The following SYT1 variants were observed in gnomAD, a reference collection of about 807,000 sequenced individuals.
SYT1 encodes the protein synaptotagmin 1, also known as synaptotagmin-1.
In SYT1, 8 loss-of-function variants were observed where a neutral mutation model predicts 44.8. The observed-to-expected ratio is 0.18, with a 90% CI of 0.10 to 0.32. SYT1 has a LOEUF of 0.32. SYT1 is among the 10% of genes least tolerant of loss of function. The probability of loss-of-function intolerance (pLI) is 1.00; values close to 1 mark genes in which losing one functional copy is unlikely to be tolerated. For synonymous variants in SYT1, 154 were observed against 188.8 expected (o/e 0.82, Z 1.51); for missense variants, 286 against 509.3 (o/e 0.56, Z 4.22).
At chr12:79,434,900 T>A (rs1869999682) in intron 9 of SYT1, among the ~76,000 whole-genome samples, 2 of 152,000 alleles carry the variant, frequency 1.3e-5, no homozygotes, top group African/African-American at 2.4e-5. Context: ...TACTCTAGCC[T>A]TGTGCTTAGA....
At chr12:79,221,711 AT>A (rs1220650255) in intron 4 of SYT1, among the ~76,000 whole-genome samples, 4 of 152,244 alleles carry the variant, frequency 2.6e-5, no homozygotes, top group South Asian at 2.1e-4. Flanking sequence ...CACATTTTGA[AT>A]TTTTTATGTC....
chr12:79,012,429 T>C (rs1648263771), intron 2 of SYT1, among the ~76,000 whole-genome samples: 1 of 152,154 alleles, frequency 6.6e-6, no homozygotes, highest in South Asian at 2.1e-4. Flanking sequence ...TGACCATACA[T>C]AGCACAAACC....
At chr12:79,120,830 C>T (rs1443087410) in intron 3 of SYT1, among the ~76,000 whole-genome samples, 1 of 151,990 alleles carries the variant, frequency 6.6e-6, no homozygotes, top group East Asian at 1.9e-4. Context: ...ATGCATGTAG[C>T]AGTTCAGTGA....
At chr12:79,374,303 TA>T (rs1883906720) in intron 9 of SYT1, among the ~76,000 whole-genome samples, 1 of 152,118 alleles carries the variant, frequency 6.6e-6, no homozygotes, top group Admixed American at 6.5e-5. Flanking sequence ...TCAGAGAAAC[TA>T]AAGGTTTCAA....
At chr12:79,311,898 T>G (rs1880820296) in intron 8 of SYT1, among the ~76,000 whole-genome samples, 1 of 139,496 alleles carries the variant, frequency 7.2e-6, no homozygotes, top group Admixed American at 7.1e-5. Context: ...GGGATAGCAT[T>G]AGGAGATATA....
chr12:79,062,288 G>T (rs139359239), intron 3 of SYT1, among the ~76,000 whole-genome samples: 10 of 152,296 alleles, frequency 6.6e-5, no homozygotes, highest in Admixed American at 2.0e-4. Flanking sequence ...ACAATTCTGA[G>T]AGTGTCCTAT....
rs1871029174 is a variant in SYT1, at chr12:79,451,072, A to G, written c.*1948A>G. 6.6e-6 allele frequency: 1 copy of G among 152,222 alleles called. No individual in the cohort carries two copies. Among genetic ancestry groups the G allele is most frequent in the Admixed American group, 6.5e-5 (1 of 15,272 alleles). The allele number at this position is 152,222 out of a possible 1,614,324, so 9.4% of individuals were successfully genotyped here. On this transcript the variant is annotated 3_prime_UTR_variant, in exon 11 of 11. Coordinates refer to ENST00000261205, the MANE Select transcript of SYT1 (RefSeq NM_005639.3). ...TCTTTTCAAAAACTAAAGAGAATTC[A>G]AAAAGGGCTGATGGTAGGCTTTGAA...
intron 9 of SYT1, among the ~76,000 whole-genome samples, chr12:79,383,746 T>TA (rs1241780480): frequency 1.3e-5 from 2 of 152,144 alleles, no homozygotes; most frequent in South Asian, 4.1e-4. Flanking sequence ...CACATGAAAA[T>TA]AAAAAACTAC....
chr12:79,083,144 A>G (rs1430285632), intron 3 of SYT1, among the ~76,000 whole-genome samples: 1 of 152,176 alleles, frequency 6.6e-6, no homozygotes, highest in Admixed American at 6.6e-5. Context: ...TTCATTGAGG[A>G]AAAAATTATA....
chr12:79,123,309 ATGTGTG>A (rs66869713), intron 3 of SYT1, among the ~76,000 whole-genome samples: 335 of 141,608 alleles, frequency 2.4e-3, no homozygotes, highest in South Asian at 5.3e-3. Flanking sequence ...TAAAAATGCA[ATGTGTG>A]TGTGTGTGTG....
intron 1 of SYT1, among the ~76,000 whole-genome samples, chr12:78,931,388 GGAAGGA>G (rs1349584400): frequency 2.5e-4 from 30 of 117,654 alleles, no homozygotes; most frequent in African/African-American, 9.7e-4. Flanking sequence ...AAGGAAGGAA[GGAAGGA>G]AGGGAGGAGA....
At chr12:78,986,390 T>C (rs1487798357) in intron 2 of SYT1, among the ~76,000 whole-genome samples, 1 of 151,996 alleles carries the variant, frequency 6.6e-6, no homozygotes, top group African/African-American at 2.4e-5. Context: ...TCAGTAGTTT[T>C]TTTTGATGAA....
chr12:79,038,029 C>G (rs961297491), intron 2 of SYT1, among the ~76,000 whole-genome samples: 1 of 151,234 alleles, frequency 6.6e-6, no homozygotes, highest in Non-Finnish European at 1.5e-5. Flanking sequence ...GTTTATTGCT[C>G]TATAATTTTA....
At chr12:78,998,805 T>C (rs1261679568) in intron 2 of SYT1, among the ~76,000 whole-genome samples, 1 of 152,178 alleles carries the variant, frequency 6.6e-6, no homozygotes, top group Non-Finnish European at 1.5e-5. Context: ...CTTTTGGACA[T>C]AAAGCACTTA....
rs571945517 is a variant in SYT1 at position 79,075,001 on chromosome 12, C to T, written c.-18+27639C>T. Among the ~76,000 whole-genome samples, 5 of 152,226 alleles carry T rather than the reference C, an allele frequency of 3.3e-5. No individual in the cohort carries two copies. The East Asian group carries it at 5.8e-4, about 18-fold the overall frequency. On this transcript the variant is annotated intron_variant, in intron 3 of 10. Transcript: ENST00000261205. ...TGAAGTCCTGAAACAAAAATATCAT[C>T]GTAAATACCCTGGATCTCAAGGATC...
chr12:79,194,158 G>A (rs9788205), intron 3 of SYT1, among the ~76,000 whole-genome samples: 120,118 of 152,012 alleles, frequency 0.79, 48,423 homozygotes, highest in African/African-American at 0.95. Context: ...AATTTGGTAG[G>A]CTGATTTTTC....
At chr12:79,361,482 A>G (rs767031362) in intron 9 of SYT1, among the ~76,000 whole-genome samples, 1 of 152,156 alleles carries the variant, frequency 6.6e-6, no homozygotes, top group African/African-American at 2.4e-5. Flanking sequence ...AAGATGTCCA[A>G]AAGTGACCTG....
chr12:79,393,605 T>A (rs541680441), intron 9 of SYT1: 1 of 152,324 alleles, frequency 6.6e-6, no homozygotes, highest in African/African-American at 2.4e-5. Flanking sequence ...AATGTCTTAT[T>A]TTGAGAAGCG....
chr12:78,991,238 T>C lies in SYT1; in HGVS notation c.-84+13307T>C, dbSNP rs191622688. Among the ~76,000 whole-genome samples, 670 of 152,116 alleles carry C rather than the reference T, an allele frequency of 4.4e-3. 5 individuals carry two copies. Among genetic ancestry groups the C allele is most frequent in the African/African-American group, 0.014 (592 of 41,516 alleles). ...TAACATTAAAAGAACCCCTGAGAAG[T>C]TATGTAGTTCTTGCCTGACTCTAGG... On this transcript the variant is annotated intron_variant, in intron 2 of 10. Coordinates refer to ENST00000261205, the MANE Select transcript of SYT1 (RefSeq NM_005639.3).
Sources: gnomAD v4.1 joint callset for allele counts (sites outside exome capture counted in the v4.1 genomes callset) on GRCh38, gnomAD v4.1.1 for gene constraint, MANE v1.5 for transcripts, NCBI Gene and HGNC (gene_info 2026-07-23, HGNC 2026-07-21) for gene names.